Variants in SNTB1 observed in about 807,000 individuals in gnomAD.
SNTB1 encodes beta-1-syntrophin.
Under a neutral mutation model 48.9 loss-of-function variants are expected in SNTB1, and 36 were observed. The observed-to-expected ratio is 0.74, with a 90% CI of 0.56 to 0.97. The LOEUF is 0.97. Among genes scored for constraint, SNTB1 ranks in the 50% least tolerant of loss-of-function variants. The probability of loss-of-function intolerance (pLI) is 0.00; values close to 1 mark genes in which losing one functional copy is unlikely to be tolerated. For missense variants in SNTB1, 786 were observed against 703.4 expected, an observed-to-expected ratio of 1.12 and a Z score of -1.33; for synonymous variants, 299 against 294.6, an observed-to-expected ratio of 1.01 and a Z score of -0.15.
intron 1 of SNTB1, among the ~76,000 whole-genome samples, chr8:120,722,943 C>T (rs570714138): frequency 6.6e-6 from 1 of 152,272 alleles, no homozygotes; most frequent in South Asian, 2.1e-4. Flanking sequence ...AGGGTTTCTA[C>T]ATATGGCTTT....
At chr8:120,720,351 C>CA (rs1350550370) in intron 1 of SNTB1, among the ~76,000 whole-genome samples, 3 of 152,222 alleles carry the variant, frequency 2.0e-5, no homozygotes, top group Non-Finnish European at 4.4e-5. Context: ...GCCTTCAGCA[C>CA]AATGCATGGC....
At chr8:120,726,209 G>A (rs1037529949) in intron 1 of SNTB1, among the ~76,000 whole-genome samples, 4 of 152,082 alleles carry the variant, frequency 2.6e-5, no homozygotes, top group African/African-American at 7.2e-5. Flanking sequence ...ATCTATTTTT[G>A]TACACATACA....
chr8:120,722,086 G>A (rs1218806164), intron 1 of SNTB1, among the ~76,000 whole-genome samples: 1 of 152,160 alleles, frequency 6.6e-6, no homozygotes, highest in East Asian at 1.9e-4. Flanking sequence ...TTTTATGGCT[G>A]CATAGTATTC....
At chr8:120,678,807 A>G (rs188038187) in intron 2 of SNTB1, among the ~76,000 whole-genome samples, 2 of 151,468 alleles carry the variant, frequency 1.3e-5, no homozygotes, top group African/African-American at 4.8e-5. Flanking sequence ...ATTATTTGCC[A>G]CTCTTTGCCT....
At chr8:120,727,870 C>G (rs567746457) in intron 1 of SNTB1, among the ~76,000 whole-genome samples, 9 of 152,144 alleles carry the variant, frequency 5.9e-5, no homozygotes, top group African/African-American at 2.2e-4. Flanking sequence ...TATCCTAGAC[C>G]GGAAGAATTC....
At chr8:120,649,872 T>C (rs9297623) in intron 2 of SNTB1, among the ~76,000 whole-genome samples, 129,336 of 151,974 alleles carry the variant, frequency 0.85, 55,254 homozygotes, top group Middle Eastern at 0.93. Context: ...TCTCGTGGTG[T>C]GCCATTTTTT....
In SNTB1 at chr8:120,541,978, C is replaced by T. The variant is rs541567345; in HGVS notation, c.1356G>A (p.Glu452=). ...ISTACTYKNQ[E]CRLTIHYENG... The stretch of plus-strand genomic sequence containing the variant: ...TCTCATAATGTATGGTCAAACGGCA[C>T]TCCTGGTTTTTGTAGGTGCAAGCTG... Residue 452 remains glutamate, a synonymous_variant, in exon 6 of 7, where the codon GAG becomes GAA. Coordinates refer to ENST00000517992, the MANE Select transcript of SNTB1 (RefSeq NM_021021.4). 1.5e-5 allele frequency: 24 copies of T among 1,613,580 alleles called. No homozygotes were observed. In the South Asian group the frequency reaches 2.4e-4, roughly 16 times the overall value.
intron 1 of SNTB1, among the ~76,000 whole-genome samples, chr8:120,753,485 C>A (rs1819257474): frequency 6.6e-6 from 1 of 152,134 alleles, no homozygotes; most frequent in Non-Finnish European, 1.5e-5. Flanking sequence ...TTAAGACCTG[C>A]CCTATTTCTC....
intron 3 of SNTB1, among the ~76,000 whole-genome samples, chr8:120,603,104 T>A (rs995212732): frequency 5.9e-5 from 9 of 152,034 alleles, no homozygotes; most frequent in Non-Finnish European, 1.2e-4. Flanking sequence ...TCTAGATTTT[T>A]TTTTTTTTCT....
At chr8:120,723,042 T>C (rs932296020) in intron 1 of SNTB1, among the ~76,000 whole-genome samples, 1 of 152,224 alleles carries the variant, frequency 6.6e-6, no homozygotes, top group Non-Finnish European at 1.5e-5. Flanking sequence ...TTCTTGTTTT[T>C]GTCAGGTTTG....
intron 1 of SNTB1, among the ~76,000 whole-genome samples, chr8:120,747,147 T>C (rs996076815): frequency 1.3e-5 from 2 of 152,202 alleles, no homozygotes; most frequent in African/African-American, 4.8e-5. Flanking sequence ...TAAATAGGCA[T>C]ACCCCATATA....
At chr8:120,761,878 T>A (rs1819426775) in intron 1 of SNTB1, among the ~76,000 whole-genome samples, 1 of 152,218 alleles carries the variant, frequency 6.6e-6, no homozygotes, top group Non-Finnish European at 1.5e-5. Flanking sequence ...AAATAGTAAC[T>A]CAGACTAAGA....
intron 5 of SNTB1, among the ~76,000 whole-genome samples, chr8:120,547,524 GA>G (rs1414356586): frequency 3.4e-5 from 5 of 145,332 alleles, no homozygotes; most frequent in African/African-American, 1.3e-4. Context: ...TTGAATCCGT[GA>G]GATGGAGGTC....
At chr8:120,569,006 G>C (rs1815797836) in intron 4 of SNTB1, among the ~76,000 whole-genome samples, 1 of 152,122 alleles carries the variant, frequency 6.6e-6, no homozygotes, top group African/African-American at 2.4e-5. Flanking sequence ...TTTTGAGATA[G>C]AGTCTTGCTC....
At position 120,537,500 on chromosome 8, in the gene SNTB1, C is replaced by T. The variant is rs1381974058; in HGVS notation, c.*1377G>A. The T allele has an allele frequency of 4.6e-5, 7 of 152,088 alleles. No homozygotes were observed. Among genetic ancestry groups the T allele is most frequent in the African/African-American group, 9.7e-5 (4 of 41,432 alleles). The allele number at this position is 152,088 out of a possible 1,614,324, so 9.4% of individuals were successfully genotyped here. The stretch of plus-strand genomic sequence containing the variant: ...TGAGAAAAATTGTGTTCCTTTAACA[C>T]GGTTTCACTTTTTGAAGCTCTTTGC... On this transcript the variant is annotated 3_prime_UTR_variant, in exon 7 of 7. Transcript: ENST00000517992.
chr8:120,583,308 C>T (rs1252078289), intron 3 of SNTB1, among the ~76,000 whole-genome samples: 1 of 152,016 alleles, frequency 6.6e-6, no homozygotes, highest in African/African-American at 2.4e-5. Context: ...AGGTCAACAC[C>T]AGCCTGGCCA....
At chr8:120,732,956 C>T (rs1818875827) in intron 1 of SNTB1, among the ~76,000 whole-genome samples, 1 of 152,222 alleles carries the variant, frequency 6.6e-6, no homozygotes, top group South Asian at 2.1e-4. Context: ...TGGGATAAAA[C>T]ACATCTGTTG....
chr8:120,732,955 A>G (rs989402877), intron 1 of SNTB1, among the ~76,000 whole-genome samples: 1 of 152,244 alleles, frequency 6.6e-6, no homozygotes, highest in Non-Finnish European at 1.5e-5. Flanking sequence ...TTGGGATAAA[A>G]CACATCTGTT....
At chr8:120,612,761 A>C (rs1816646698) in intron 3 of SNTB1, among the ~76,000 whole-genome samples, 1 of 152,090 alleles carries the variant, frequency 6.6e-6, no homozygotes, top group South Asian at 2.1e-4. Context: ...GCTGGCCATA[A>C]TTTTTTTGTT....
Sources: allele counts gnomAD v4.1 joint callset (sites outside exome capture counted in the v4.1 genomes callset), GRCh38; gene constraint gnomAD v4.1.1; transcripts MANE v1.5; gene names NCBI Gene and HGNC (gene_info 2026-07-23, HGNC 2026-07-21).